PGR: variants seen among roughly 807,000 people sequenced by gnomAD.
PGR encodes the protein progesterone receptor, also known as nuclear receptor subfamily 3 group C member 3.
In PGR, 25 loss-of-function variants were observed where a neutral mutation model predicts 76.1. The ratio of observed to expected loss-of-function variants is 0.33; its 90% CI spans 0.24 to 0.46. The LOEUF (loss-of-function observed/expected upper bound fraction) is 0.46, where lower values mean the gene tolerates loss of function less well. Ranked by LOEUF, PGR falls within the 20% of genes least tolerant of loss-of-function variation. The probability of loss-of-function intolerance (pLI) is 1.00; values close to 1 mark genes in which losing one functional copy is unlikely to be tolerated. For synonymous variants in PGR, 579 were observed against 535.0 expected (o/e 1.08, Z -1.14); for missense variants, 1,172 against 1,225.3 (o/e 0.96, Z 0.65).
chr11:101,059,083 A>G (rs182359538), intron 4 of PGR, among the ~76,000 whole-genome samples: 2 of 152,148 alleles, frequency 1.3e-5, no homozygotes, highest in Admixed American at 6.6e-5. Context: ...TTAATGCATT[A>G]TTCAGCAAAC....
intron 2 of PGR, among the ~76,000 whole-genome samples, chr11:101,107,865 T>TGAAAAAAAAAAAAAAAAA (rs1328002925): frequency 1.7e-5 from 2 of 119,288 alleles, no homozygotes; most frequent in Non-Finnish European, 3.4e-5. Flanking sequence ...ACTGGCTTTG[T>TGAAAAAAAAAAAAAAAAA]AAAAAAAAAA....
At chr11:101,086,436 T>C (rs1251541623) in intron 3 of PGR, among the ~76,000 whole-genome samples, 7 of 151,928 alleles carry the variant, frequency 4.6e-5, no homozygotes, top group Non-Finnish European at 8.8e-5. Context: ...CAAAGAAATA[T>C]ACCTAAAAAC....
rs140972281 is a variant in PGR, at chr11:101,096,232, G to C, written c.1790-4356C>G. ...AGTCACGACCTTGAGGGGTTGGCAC[G>C]ACTCATATCATTGTAGACTGCCTGT... is the stretch of plus-strand genomic sequence containing the variant. On this transcript the variant is annotated intron_variant, in intron 2 of 7. Coordinates refer to ENST00000325455, the MANE Select transcript of PGR (RefSeq NM_000926.4). Among the ~76,000 whole-genome samples, 5 of 152,190 alleles carry C rather than the reference G, an allele frequency of 3.3e-5. No individual in the cohort carries two copies. The East Asian group carries it at 7.7e-4, about 24-fold the overall frequency.
rs554952947 is a variant in PGR, at chr11:101,035,727, C to T, written c.*3389G>A. The T allele has an allele frequency of 9.1e-5, 21 of 231,568 alleles. No individual in the cohort carries two copies. Among genetic ancestry groups the T allele is most frequent in the Admixed American group, 2.3e-4 (4 of 17,732 alleles). 14.3% of individuals were successfully genotyped at this position (231,568 alleles called of 1,614,324 possible). On this transcript the variant is annotated 3_prime_UTR_variant, in exon 8 of 8. Coordinates refer to ENST00000325455, the MANE Select transcript of PGR (RefSeq NM_000926.4). The stretch of plus-strand genomic sequence containing the variant: ...GAACTTTGATAAAACAGGCCCTAAA[C>T]TCAAAACACTGTATTTTTTCAGCAG...
chr11:101,119,900 T>C (rs1263088391), intron 2 of PGR, among the ~76,000 whole-genome samples: 1 of 152,202 alleles, frequency 6.6e-6, no homozygotes, highest in Non-Finnish European at 1.5e-5. Context: ...TCCTGAATAG[T>C]AGAAACCTCT....
At position 101,038,579 on chromosome 11, in the gene PGR, ACT is replaced by A. The variant is rs1350764894; in HGVS notation, c.*535_*536del. The A allele has an allele frequency of 4.3e-6, 1 of 230,044 alleles. No individual in the cohort carries two copies. Among genetic ancestry groups the A allele is most frequent in the Non-Finnish European group, 8.6e-6 (1 of 116,276 alleles). 14.3% of individuals were successfully genotyped at this position (230,044 alleles called of 1,614,324 possible). On this transcript the variant is annotated 3_prime_UTR_variant, in exon 8 of 8. Transcript: ENST00000325455. ...CATCAATCTATTTTAGTGGTTTTAA[ACT>A]CTTTCTACATTTTTTGCATTAAAAA...
intron 7 of PGR, among the ~76,000 whole-genome samples, chr11:101,040,481 T>C (rs1422924461): frequency 6.6e-6 from 1 of 152,062 alleles, no homozygotes; most frequent in Non-Finnish European, 1.5e-5. Context: ...AGTTGGAAAA[T>C]ACTTTCATGC....
rs1343116593 is a variant in PGR at position 101,034,247 on chromosome 11, C to T, written c.*4869G>A. ...CATACAGCAACAAGAGCCAGTAAAT[C>T]GAAAATGAGGCTGACATTCTGGGAC... On this transcript the variant is annotated 3_prime_UTR_variant, in exon 8 of 8. Transcript: ENST00000325455. The T allele has an allele frequency of 1.4e-5, 3 of 216,596 alleles. No individual in the cohort carries two copies. Among genetic ancestry groups the T allele is most frequent in the East Asian group, 6.8e-5 (1 of 14,684 alleles). The allele number at this position is 216,596 out of a possible 1,614,324, so 13.4% of individuals were successfully genotyped here.
chr11:101,112,997 T>C (rs1003918949), intron 2 of PGR, among the ~76,000 whole-genome samples: 1 of 152,234 alleles, frequency 6.6e-6, no homozygotes, highest in Admixed American at 6.5e-5. Flanking sequence ...TGAAATGTGT[T>C]CAGAACCTAA....
At chr11:101,122,743 T>A (rs1862717937) in intron 2 of PGR, among the ~76,000 whole-genome samples, 1 of 152,198 alleles carries the variant, frequency 6.6e-6, no homozygotes, top group South Asian at 2.1e-4. Flanking sequence ...CTGTCTCATA[T>A]CCAGGGAAAC....
At chr11:101,091,019 T>C (rs1861658908) in intron 3 of PGR, among the ~76,000 whole-genome samples, 1 of 152,186 alleles carries the variant, frequency 6.6e-6, no homozygotes, top group Non-Finnish European at 1.5e-5. Flanking sequence ...TTTAAAAAGT[T>C]ATATCTAGAT....
chr11:101,069,239 T>C (rs544099306), intron 3 of PGR, among the ~76,000 whole-genome samples: 1 of 151,906 alleles, frequency 6.6e-6, no homozygotes, highest in South Asian at 2.1e-4. Context: ...GACATTTATG[T>C]GGCCAAAAAA....
At chr11:101,111,813 T>A (rs1862353611) in intron 2 of PGR, among the ~76,000 whole-genome samples, 3 of 152,096 alleles carry the variant, frequency 2.0e-5, no homozygotes, top group Admixed American at 2.0e-4. Context: ...TGGAAGTGAT[T>A]GGATTTTGGG....
At chr11:101,046,775 T>TTAAGAAATAAACA (rs1371354682) in intron 6 of PGR, among the ~76,000 whole-genome samples, 2 of 152,106 alleles carry the variant, frequency 1.3e-5, no homozygotes, top group Non-Finnish European at 2.9e-5. Flanking sequence ...TTCTTAACAT[T>TTAAGAAATAAACA]TATTTGTTTC....
rs1861281087 is a variant in PGR at position 101,080,852 on chromosome 11, T to C, written c.1906+10908A>G. Reference sequence around the variant, plus strand: ...ATTATATTTTGAAATTCGTTATCAATAGACTGGATCAAGCAGAAGAAAAAA... The same window carrying C: ...ATTATATTTTGAAATTCGTTATCAACAGACTGGATCAAGCAGAAGAAAAAA... On this transcript the variant is annotated intron_variant, in intron 3 of 7. Transcript: ENST00000325455. Among the ~76,000 whole-genome samples, 3 of 152,170 alleles carry C rather than the reference T, an allele frequency of 2.0e-5. 1 individual carries two copies. The South Asian group carries it at 6.2e-4, about 32-fold the overall frequency.
Position 101,066,088 on chromosome 11 carries a change from C to T in PGR, c.1907-3336G>A, listed in dbSNP as rs116562806. On this transcript the variant is annotated intron_variant, in intron 3 of 7. Coordinates refer to ENST00000325455, the MANE Select transcript of PGR (RefSeq NM_000926.4). Reference sequence around the variant, plus strand: ...AATCATTTGCCCTCTTGTCTGCATCCTCTAATAGTCCCTCTCACACATAAT... The same window carrying T: ...AATCATTTGCCCTCTTGTCTGCATCTTCTAATAGTCCCTCTCACACATAAT... Among the ~76,000 whole-genome samples the T allele has an allele frequency of 6.0e-3, 911 of 152,266 alleles. 6 individuals carry two copies. The highest frequency in any genetic ancestry group is 0.02 in the Middle Eastern group (6 of 294).
At position 101,038,153 on chromosome 11, in the gene PGR, G is replaced by T; in HGVS notation, c.*963C>A. ...ATAGTGGAGGATAAAGAGGAGAAAGGTATGTGAATTGATACCTCCCTCCTC... is the reference window on the plus strand; with the variant it reads ...ATAGTGGAGGATAAAGAGGAGAAAGTTATGTGAATTGATACCTCCCTCCTC... On this transcript the variant is annotated 3_prime_UTR_variant, in exon 8 of 8. Coordinates refer to ENST00000325455, the MANE Select transcript of PGR (RefSeq NM_000926.4). The T allele has an allele frequency of 5.2e-6, 1 of 192,732 alleles. No individual in the cohort carries two copies. The highest frequency in any genetic ancestry group is 1.1e-5 in the Non-Finnish European group (1 of 92,302). The allele number at this position is 192,732 out of a possible 1,614,324, so 11.9% of individuals were successfully genotyped here. A position where few individuals can be genotyped will look rare whatever the true frequency, so the allele number is the denominator to read the frequency against.
intron 3 of PGR, among the ~76,000 whole-genome samples, chr11:101,077,418 C>T (rs1022076840): frequency 1.3e-5 from 2 of 152,082 alleles, no homozygotes; most frequent in Non-Finnish European, 2.9e-5. Flanking sequence ...AACAAAGATG[C>T]TAGACAACAG....
intron 3 of PGR, among the ~76,000 whole-genome samples, chr11:101,079,141 T>C (rs559370066): frequency 6.6e-6 from 1 of 152,226 alleles, no homozygotes; most frequent in South Asian, 2.1e-4. Context: ...CAAAATCGAT[T>C]AAAGACTTAA....
Sources: gnomAD v4.1 joint callset for allele counts (sites outside exome capture counted in the v4.1 genomes callset) on GRCh38, gnomAD v4.1.1 for gene constraint, MANE v1.5 for transcripts, NCBI Gene and HGNC (gene_info 2026-07-23, HGNC 2026-07-21) for gene names.